CARD8: variants seen among roughly 807,000 people sequenced by gnomAD.
CARD8 encodes caspase recruitment domain family member 8, also known as caspase recruitment domain-containing protein 8.
In CARD8, 38 loss-of-function variants were observed where a neutral mutation model predicts 53.2. The observed-to-expected ratio is 0.71, with a 90% confidence interval of 0.55 to 0.94. CARD8 has a LOEUF of 0.94. CARD8 is among the 40% of genes least tolerant of loss of function. The pLI is 0.00. For synonymous variants in CARD8, 245 were observed against 244.9 expected (o/e 1.00, Z 0.00); for missense variants, 561 against 655.5 (o/e 0.86, Z 1.57).
At chr19:48,238,296 A>G (rs1347343767) in intron 5 of CARD8, 87 bp downstream of exon 5, 3 of 1,460,402 alleles carry the variant, frequency 2.1e-6, no homozygotes, top group Non-Finnish European at 2.7e-6. Flanking sequence ...AATAACCTGC[A>G]TGTCTTTGCT....
At chr19:48,216,744 C>A (rs1355028112) in intron 12 of CARD8, among the ~76,000 whole-genome samples, 1 of 152,174 alleles carries the variant, frequency 6.6e-6, no homozygotes, top group Non-Finnish European at 1.5e-5. Flanking sequence ...CAGTCTACAC[C>A]AGTGGTCCCC....
chr19:48,236,563 G>T (rs2043923500), intron 5 of CARD8, among the ~76,000 whole-genome samples: 1 of 152,138 alleles, frequency 6.6e-6, no homozygotes, highest in African/African-American at 2.4e-5. Context: ...TACCATCCAT[G>T]GTCCCCGGCG....
chr19:48,249,930 C>T (rs1198182090), intron 1 of CARD8, 83 bp from the exon 2 acceptor site: 2 of 152,200 alleles, frequency 1.3e-5, no homozygotes, highest in African/African-American at 4.8e-5. Flanking sequence ...AAACAAAACC[C>T]TCAGGAAGCT....
At chr19:48,232,586 C>T in intron 6 of CARD8, 93 bp from the exon 7 acceptor site, 1 of 1,088,538 alleles carries the variant, frequency 9.2e-7, no homozygotes, top group South Asian at 1.3e-5. Flanking sequence ...ACTAGAGCTG[C>T]ACTGTCCCGT....
chr19:48,204,122 G>A (rs2037254201), downstream of CARD8: 1 of 454,118 alleles, frequency 2.2e-6, no homozygotes, highest in Non-Finnish European at 4.4e-6. Flanking sequence ...AAAGGGTCTG[G>A]GCGCCGGGGC....
Position 48,209,787 on chromosome 19 carries a change from G to A in CARD8, c.*1923C>T, listed in dbSNP as rs1210809804. The A allele has an allele frequency of 6.6e-6, 1 of 152,270 alleles. No homozygotes were observed. Among genetic ancestry groups the A allele is most frequent in the African/African-American group, 2.4e-5 (1 of 41,432 alleles). The allele number at this position is 152,270 out of a possible 1,614,324, so 9.4% of individuals were successfully genotyped here. ...GACTGTTGATTTCAAACTAGGTTTA[G>A]AGTAGCAAAGCATATGAATTTTACA... is the stretch of plus-strand genomic sequence containing the variant. On this transcript the variant is annotated 3_prime_UTR_variant, in exon 14 of 14. Transcript: ENST00000651546.
chr19:48,236,920 C>T (rs2043996403), intron 5 of CARD8, among the ~76,000 whole-genome samples: 1 of 152,090 alleles, frequency 6.6e-6, no homozygotes, highest in South Asian at 2.1e-4. Flanking sequence ...GGATTACAGG[C>T]ATGCGCCACC....
At chr19:48,214,613 G>C (rs1026707287) in intron 13 of CARD8, among the ~76,000 whole-genome samples, 1 of 151,974 alleles carries the variant, frequency 6.6e-6, no homozygotes, top group Non-Finnish European at 1.5e-5. Flanking sequence ...CCCACCCCAG[G>C]GGAAGAATCA....
chr19:48,215,374 C>T lies in CARD8; in HGVS notation c.1314G>A (p.Gln438=), dbSNP rs759294826. ...GAGGAGGGGCTGATGCAGCTACAAGCTGGAGATCCACTACAAAAGAGGGAA... is the reference window on the plus strand; with the variant it reads ...GAGGAGGGGCTGATGCAGCTACAAGTTGGAGATCCACTACAAAAGAGGGAA... The part of the protein sequence containing the change: ...WDTEVKPVDL[Q]LVAASAPPPF... The change falls in exon 13 of 14, where the codon CAG becomes CAA. Residue 438 remains glutamine (Q), a synonymous_variant. Transcript: ENST00000651546. 2 of 1,610,784 alleles carry T rather than the reference C, an allele frequency of 1.2e-6. No individual in the cohort carries two copies. Among genetic ancestry groups the T allele is most frequent in the South Asian group, 1.1e-5 (1 of 91,000 alleles).
At chr19:48,225,185 A>G (rs1026473750) in intron 10 of CARD8, among the ~76,000 whole-genome samples, 1 of 152,166 alleles carries the variant, frequency 6.6e-6, no homozygotes, top group Non-Finnish European at 1.5e-5. Flanking sequence ...AAGAGGGTAC[A>G]GTGATCAAGA....
intron 3 of CARD8, among the ~76,000 whole-genome samples, chr19:48,246,624 A>G (rs2046162157): frequency 2.0e-5 from 3 of 152,180 alleles, no homozygotes; most frequent in Admixed American, 1.3e-4. Flanking sequence ...ATAATAAAAA[A>G]AAACATTGCT....
At chr19:48,236,245 C>T (rs1206119526) in intron 5 of CARD8, among the ~76,000 whole-genome samples, 1 of 152,226 alleles carries the variant, frequency 6.6e-6, no homozygotes, top group Non-Finnish European at 1.5e-5. Flanking sequence ...CAGAGTCTGG[C>T]TCTGTTGCCC....
chr19:48,229,942 G>A (rs1390120892), intron 10 of CARD8, among the ~76,000 whole-genome samples: 2 of 152,044 alleles, frequency 1.3e-5, no homozygotes, highest in African/African-American at 2.4e-5. Flanking sequence ...GTGAAACCCC[G>A]TCTCTACTAC....
intron 3 of CARD8, among the ~76,000 whole-genome samples, chr19:48,241,876 G>C (rs984338722): frequency 3.9e-5 from 6 of 151,984 alleles, no homozygotes; most frequent in South Asian, 4.1e-4. Flanking sequence ...ACCCACATAA[G>C]TCTACAATTC....
intron 3 of CARD8, among the ~76,000 whole-genome samples, chr19:48,246,590 T>C (rs556901777): frequency 6.6e-6 from 1 of 151,352 alleles, no homozygotes; most frequent in African/African-American, 2.4e-5. Context: ...AAAGAGCTAT[T>C]CTGATACATG....
At chr19:48,245,985 T>C (rs1480445692) in intron 3 of CARD8, among the ~76,000 whole-genome samples, 2 of 152,020 alleles carry the variant, frequency 1.3e-5, no homozygotes, top group Non-Finnish European at 2.9e-5. Context: ...CATTACTTAA[T>C]GTGCAGACCT....
intron 5 of CARD8, among the ~76,000 whole-genome samples, chr19:48,237,589 G>A (rs1178470009): frequency 1.3e-5 from 2 of 151,922 alleles, no homozygotes; most frequent in Non-Finnish European, 2.9e-5. Context: ...TTGAGGTCAG[G>A]AGTTTGAGAC....
intron 13 of CARD8, 77 bp downstream of exon 13, chr19:48,215,263 G>T: frequency 9.6e-7 from 1 of 1,039,134 alleles, no homozygotes; most frequent in Non-Finnish European, 1.5e-6. Context: ...ATGTCACTTG[G>T]ATACCTTCCA....
intron 2 of CARD8, 21 bp from the exon 3 acceptor site, chr19:48,249,654 G>C (rs956371017): frequency 6.6e-6 from 1 of 152,368 alleles, no homozygotes; most frequent in African/African-American, 2.4e-5. Flanking sequence ...TATTTCAAAA[G>C]AAGTTGAGAA....
Sources: allele counts gnomAD v4.1 joint callset (sites outside exome capture counted in the v4.1 genomes callset), GRCh38; gene constraint gnomAD v4.1.1; transcripts MANE v1.5; gene names NCBI Gene and HGNC (gene_info 2026-07-23, HGNC 2026-07-21).